TUBG2: variants seen among roughly 807,000 people sequenced by gnomAD.
TUBG2 encodes the protein tubulin gamma 2, also known as tubulin gamma-2 chain.
Under a neutral mutation model 55.1 loss-of-function variants are expected in TUBG2, and 39 were observed. The ratio of observed to expected loss-of-function variants is 0.71; its 90% CI spans 0.55 to 0.93. The LOEUF (loss-of-function observed/expected upper bound fraction) is 0.93, where lower values mean the gene tolerates loss of function less well. TUBG2 is among the 40% of genes least tolerant of loss of function. The pLI is 0.00. For synonymous variants in TUBG2, 223 were observed against 241.0 expected, an observed-to-expected ratio of 0.93 and a Z score of 0.69; for missense variants, 358 against 599.1, an observed-to-expected ratio of 0.60 and a Z score of 4.20.
chr17:42,664,787 G>A (rs1364612743), intron 6 of TUBG2, among the ~76,000 whole-genome samples: 2 of 150,962 alleles, frequency 1.3e-5, no homozygotes, highest in East Asian at 3.9e-4. Flanking sequence ...GCCCTGCGTA[G>A]TCCGAGAGTA....
intron 6 of TUBG2, 27 bp downstream of exon 6, chr17:42,663,530 G>A (rs749567668): frequency 9.3e-6 from 15 of 1,612,464 alleles, no homozygotes; most frequent in African/African-American, 1.3e-5. Context: ...TTGAGGGGCT[G>A]GGTGTGGTGG....
intron 5 of TUBG2, 98 bp from the exon 6 acceptor site, chr17:42,663,277 ACT>A (rs2052432547): frequency 1.4e-5 from 21 of 1,538,524 alleles, no homozygotes; most frequent in Admixed American, 1.9e-5. Context: ...GGCTCTGAAG[ACT>A]CAGTTCTGCC....
intron 5 of TUBG2, 145 bp downstream of exon 5, chr17:42,663,197 G>T: frequency 1.6e-6 from 2 of 1,261,190 alleles, no homozygotes; most frequent in Non-Finnish European, 2.2e-6. Context: ...AAGCTATTTT[G>T]GGGGGTGGGG....
At position 42,666,887 on chromosome 17, in the gene TUBG2, G is replaced by A; in HGVS notation, c.*87G>A. On this transcript the variant is annotated 3_prime_UTR_variant, in exon 11 of 11. Coordinates refer to ENST00000251412, the MANE Select transcript of TUBG2 (RefSeq NM_016437.3). ...CCCTCTGACCCAGCTTCACCTCATG[G>A]ACAACCCTTCTTGGTTCATCTCCAG... is the stretch of plus-strand genomic sequence containing the variant. 6.9e-7 allele frequency: 1 copy of A among 1,450,500 alleles called. No homozygotes were observed. The allele number at this position is 1,450,500 out of a possible 1,614,324, so 89.9% of individuals were successfully genotyped here. A position where few individuals can be genotyped will look rare whatever the true frequency, so the allele number is the denominator to read the frequency against.
intron 6 of TUBG2, among the ~76,000 whole-genome samples, chr17:42,664,208 C>A (rs1207273762): frequency 2.7e-5 from 4 of 150,138 alleles, no homozygotes; most frequent in African/African-American, 9.8e-5. Context: ...CTCAGGAAGT[C>A]GAGGCTGCAG....
Position 42,666,820 on chromosome 17 carries a change from T to C in TUBG2, c.*20T>C. On this transcript the variant is annotated 3_prime_UTR_variant, in exon 11 of 11. Transcript: ENST00000251412. ...CAGTGATTTCCCTCCCCACTACTCC[T>C]TCTCCTTCTAGATGGTAACCACAGC... 1 of 1,613,554 alleles carries C rather than the reference T, an allele frequency of 6.2e-7. No individual in the cohort carries two copies. The highest frequency in any genetic ancestry group is 8.5e-7 in the Non-Finnish European group (1 of 1,179,626).
Position 42,664,067 on chromosome 17 carries a change from T to C in TUBG2, c.606+564T>C, listed in dbSNP as rs556481769. Reference sequence around the variant, plus strand: ...GTTGCGGTGAGTCAAGATCACACCATTGCACTCCAGCCTGGGTGACAGAGC... The same window carrying C: ...GTTGCGGTGAGTCAAGATCACACCACTGCACTCCAGCCTGGGTGACAGAGC... On this transcript the variant is annotated intron_variant, in intron 6 of 10. Coordinates refer to ENST00000251412, the MANE Select transcript of TUBG2 (RefSeq NM_016437.3). Among the ~76,000 whole-genome samples the C allele has an allele frequency of 8.6e-5, 13 of 151,694 alleles. No individual in the cohort carries two copies. In the East Asian group the frequency reaches 1.2e-3, roughly 14 times the overall value.
intron 3 of TUBG2, 107 bp from the exon 4 acceptor site, chr17:42,660,532 A>G (rs2052358796): frequency 7.6e-7 from 1 of 1,320,818 alleles, no homozygotes; most frequent in Non-Finnish European, 1.1e-6. Context: ...GCTCTGCTTC[A>G]GGGTGGCAAC....
At chr17:42,663,587 T>A in intron 6 of TUBG2, 84 bp downstream of exon 6, 1 of 1,545,186 alleles carries the variant, frequency 6.5e-7, no homozygotes, top group Non-Finnish European at 8.8e-7. Flanking sequence ...GCAGATGGAT[T>A]GCTTGAGCTC....
At chr17:42,665,886 C>G (rs2052524614) in intron 8 of TUBG2, 59 bp downstream of exon 8, 3 of 1,609,480 alleles carry the variant, frequency 1.9e-6, no homozygotes, top group Non-Finnish European at 2.5e-6. Context: ...AGGCCCTGCC[C>G]CAGCCTTTCT....
At chr17:42,662,370 C>A (rs1030423062) in intron 4 of TUBG2, among the ~76,000 whole-genome samples, 1 of 152,056 alleles carries the variant, frequency 6.6e-6, no homozygotes, top group Non-Finnish European at 1.5e-5. Flanking sequence ...CTTTGGCAGG[C>A]CGAGGCGGGC....
chr17:42,666,280 G>T, intron 9 of TUBG2, 41 bp downstream of exon 9: 3 of 1,614,070 alleles, frequency 1.9e-6, no homozygotes, highest in Non-Finnish European at 2.5e-6. Flanking sequence ...GACCTGCAGG[G>T]GTAGAGGAGA....
rs749950982 is a variant in TUBG2, at chr17:42,666,245, G to A, written c.996+6G>A. On this transcript the variant is annotated splice_donor_region_variant and intron_variant, in intron 9 of 10. Coordinates refer to ENST00000251412, the MANE Select transcript of TUBG2 (RefSeq NM_016437.3). ...GAGAGGTGGACCCCACCCAGGTAGG[G>A]GAGGCCCCTTCATCCCGCGCCCTGG... is the stretch of plus-strand genomic sequence containing the variant. 29 of 1,613,982 alleles carry A rather than the reference G, an allele frequency of 1.8e-5. No homozygotes were observed. The South Asian group carries it at 3.1e-4, about 17-fold the overall frequency.
In TUBG2 at chr17:42,659,313, T is replaced by C; in HGVS notation, c.-191T>C. On this transcript the variant is annotated 5_prime_UTR_variant, in exon 1 of 11. The change abolishes an upstream ATG in the 5' untranslated region. Transcript: ENST00000251412. Reference sequence around the variant, plus strand: ...CAGCTGCGACTGCTGAGGGAGAAAATGATGCCCAGGTTGGGCTCCCCGGCC... The same window carrying C: ...CAGCTGCGACTGCTGAGGGAGAAAACGATGCCCAGGTTGGGCTCCCCGGCC... 3 of 545,694 alleles carry C rather than the reference T, an allele frequency of 5.5e-6. No homozygotes were observed. The highest frequency in any genetic ancestry group is 9.5e-6 in the Non-Finnish European group (3 of 316,750). The allele number at this position is 545,694 out of a possible 1,614,324, so 33.8% of individuals were successfully genotyped here. A position where few individuals can be genotyped will look rare whatever the true frequency, so the allele number is the denominator to read the frequency against.
intron 6 of TUBG2, among the ~76,000 whole-genome samples, chr17:42,664,480 A>G (rs1258088444): frequency 6.6e-6 from 1 of 151,822 alleles, no homozygotes; most frequent in African/African-American, 2.4e-5. Flanking sequence ...AAGTGAATAT[A>G]CCTTCCCCAC....
At chr17:42,662,750 C>T (rs73301673) in intron 4 of TUBG2, among the ~76,000 whole-genome samples, 1 of 152,134 alleles carries the variant, frequency 6.6e-6, no homozygotes, top group African/African-American at 2.4e-5. Context: ...TCCTGATAAA[C>T]CCATCATAAA....
rs181123096 is a variant in TUBG2 at position 42,660,908 on chromosome 17, C to G, written c.399+201C>G. 5.3e-3 allele frequency: 2,844 copies of G among 540,708 alleles called. 20 individuals carry two copies. Among genetic ancestry groups the G allele is most frequent in the Non-Finnish European group, 6.0e-3 (1,776 of 294,916 alleles). The allele number at this position is 540,708 out of a possible 1,614,324, so 33.5% of individuals were successfully genotyped here. ...GTCATAAATCTGAATGGCACCGGCC[C>G]CTTAGGCATGAGTCATTCAGCTGCT... On this transcript the variant is annotated intron_variant, in intron 4 of 10. Coordinates refer to ENST00000251412, the MANE Select transcript of TUBG2 (RefSeq NM_016437.3).
intron 1 of TUBG2, 129 bp from the exon 2 acceptor site, chr17:42,659,705 G>A: frequency 7.2e-7 from 1 of 1,379,566 alleles, no homozygotes; most frequent in Non-Finnish European, 9.9e-7. Context: ...CCTCCAGCCC[G>A]GGGCTGGGGC....
intron 6 of TUBG2, among the ~76,000 whole-genome samples, chr17:42,664,853 T>TAC (rs2052480714): frequency 4.9e-5 from 1 of 20,422 alleles, no homozygotes; most frequent in Non-Finnish European, 8.3e-5. Context: ...TATTTATATT[T>TAC]ATATATATAT....
Sources: allele counts gnomAD v4.1 joint callset (sites outside exome capture counted in the v4.1 genomes callset), GRCh38; gene constraint gnomAD v4.1.1; transcripts MANE v1.5; gene names NCBI Gene and HGNC (gene_info 2026-07-23, HGNC 2026-07-21).